The following SHISA9 variants were observed in gnomAD, a reference collection of about 807,000 sequenced individuals.
SHISA9 encodes the protein protein shisa-9.
In SHISA9, 13 loss-of-function variants were observed where a neutral mutation model predicts 38.0. That is an observed-to-expected ratio of 0.34 (90% CI 0.22 to 0.54). SHISA9 has a LOEUF of 0.54. Among genes scored for constraint, SHISA9 ranks in the 20% least tolerant of loss-of-function variants. The probability of loss-of-function intolerance (pLI) is 0.91; values close to 1 mark genes in which losing one functional copy is unlikely to be tolerated. For synonymous variants in SHISA9, 275 were observed against 242.0 expected, an observed-to-expected ratio of 1.14 and a Z score of -1.27; for missense variants, 538 against 575.8, an observed-to-expected ratio of 0.93 and a Z score of 0.67.
intron 2 of SHISA9, among the ~76,000 whole-genome samples, chr16:13,123,239 G>A (rs1324998702): frequency 6.6e-6 from 1 of 152,188 alleles, no homozygotes; most frequent in Non-Finnish European, 1.5e-5. Context: ...TTAGAATATG[G>A]CCAATTTGAT....
chr16:13,471,950 A>G, the SHISA9 span, among the ~76,000 whole-genome samples: 1 of 152,312 alleles, frequency 6.6e-6, no homozygotes, highest in Admixed American at 6.5e-5. Context: ...TCACAAAGAC[A>G]AGGGAGGAAA....
rs2071017552 is a variant in SHISA9 at position 12,901,802 on chromosome 16, CCCCCGCCCGGCCGGGCGCGCTCCT to C, written c.-257_-234del. 1 of 147,754 alleles carries C rather than the reference CCCCCGCCCGGCCGGGCGCGCTCCT, an allele frequency of 6.8e-6. No individual in the cohort carries two copies. The highest frequency in any genetic ancestry group is 1.5e-5 in the Non-Finnish European group (1 of 66,624). 9.2% of individuals were successfully genotyped at this position (147,754 alleles called of 1,614,324 possible). On this transcript the variant is annotated 5_prime_UTR_variant, in exon 1 of 5. Transcript: ENST00000558583. ...CCCGCGCTTGACCCCGCTCATCCTC[CCCCCGCCCGGCCGGGCGCGCTCCT>C]CCCCGGCCGGCCCCTCGGCGCGCGG...
intron 2 of SHISA9, among the ~76,000 whole-genome samples, chr16:13,020,691 C>A (rs2072841561): frequency 6.6e-6 from 1 of 152,164 alleles, no homozygotes; most frequent in African/African-American, 2.4e-5. Flanking sequence ...TTGAGAAGGA[C>A]CTCGTCTCTG....
the SHISA9 span, among the ~76,000 whole-genome samples, chr16:13,522,973 G>A: frequency 2.6e-5 from 4 of 152,180 alleles, no homozygotes; most frequent in Non-Finnish European, 5.9e-5. Context: ...GGGGAGGAAT[G>A]TGGAGACCAG....
At chr16:13,407,140 C>G in the SHISA9 span, among the ~76,000 whole-genome samples, 10 of 139,298 alleles carry the variant, frequency 7.2e-5, no homozygotes, top group Non-Finnish European at 1.2e-4. Flanking sequence ...ACTACCACAA[C>G]AAGCTACCAT....
chr16:12,960,448 T>A (rs534102638), intron 2 of SHISA9, among the ~76,000 whole-genome samples: 1 of 152,106 alleles, frequency 6.6e-6, no homozygotes, highest in Middle Eastern at 3.2e-3. Flanking sequence ...ATCACCCTAT[T>A]CTAAAGATAC....
At chr16:13,129,616 C>T (rs1222141917) in intron 2 of SHISA9, among the ~76,000 whole-genome samples, 1 of 152,188 alleles carries the variant, frequency 6.6e-6, no homozygotes, top group Non-Finnish European at 1.5e-5. Flanking sequence ...TGCATACACC[C>T]TCTGCTACAG....
chr16:13,221,790 C>G (rs2051228376), intron 4 of SHISA9, among the ~76,000 whole-genome samples: 1 of 152,178 alleles, frequency 6.6e-6, no homozygotes, highest in Non-Finnish European at 1.5e-5. Flanking sequence ...TTTTCCATCT[C>G]TTACTGTCTT....
chr16:13,177,086 A>G (rs535140721), intron 2 of SHISA9, among the ~76,000 whole-genome samples: 102 of 152,314 alleles, frequency 6.7e-4, no homozygotes, highest in African/African-American at 2.1e-3. Context: ...ACCATCAGGA[A>G]AGATCTGTGA....
intron 2 of SHISA9, among the ~76,000 whole-genome samples, chr16:13,143,300 A>C (rs969174606): frequency 6.6e-6 from 1 of 152,104 alleles, no homozygotes; most frequent in Non-Finnish European, 1.5e-5. Flanking sequence ...ATGAGGTACC[A>C]TGCCCAGCCT....
At chr16:13,054,976 C>T (rs1035758984) in intron 2 of SHISA9, among the ~76,000 whole-genome samples, 3 of 152,166 alleles carry the variant, frequency 2.0e-5, no homozygotes, top group South Asian at 4.1e-4. Flanking sequence ...CTTAGGGAGA[C>T]CTTCAGTGAC....
intron 2 of SHISA9, among the ~76,000 whole-genome samples, chr16:13,106,620 G>A (rs1669884060): frequency 2.0e-5 from 3 of 152,154 alleles, no homozygotes; most frequent in African/African-American, 7.2e-5. Context: ...AAGGAGAGAA[G>A]ACCTTCAGCA....
intron 2 of SHISA9, among the ~76,000 whole-genome samples, chr16:13,050,730 GAGTTA>G (rs1297468863): frequency 1.3e-5 from 2 of 152,236 alleles, no homozygotes; most frequent in Non-Finnish European, 2.9e-5. Flanking sequence ...GGCCATGGAA[GAGTTA>G]CCTGTCTCTC....
chr16:12,912,167 G>A (rs1413167248), intron 1 of SHISA9, among the ~76,000 whole-genome samples: 1 of 151,926 alleles, frequency 6.6e-6, no homozygotes, highest in African/African-American at 2.4e-5. Context: ...ATACCAAATC[G>A]GTTTATGCAG....
the SHISA9 span, among the ~76,000 whole-genome samples, chr16:13,370,043 T>C: frequency 2.0e-5 from 3 of 152,084 alleles, no homozygotes; most frequent in African/African-American, 7.2e-5. Flanking sequence ...CCAAAAACCA[T>C]TTGTACCTGT....
chr16:12,905,678 G>A (rs565243734), intron 1 of SHISA9, among the ~76,000 whole-genome samples: 86 of 150,670 alleles, frequency 5.7e-4, no homozygotes, highest in African/African-American at 1.9e-3. Context: ...TGCAACCTCC[G>A]CCTCCCAGGT....
chr16:13,255,523 A>G, the SHISA9 span, among the ~76,000 whole-genome samples: 104 of 152,334 alleles, frequency 6.8e-4, no homozygotes, highest in African/African-American at 2.5e-3. Context: ...TGTTGTCTAA[A>G]AAAAGTACCA....
intron 2 of SHISA9, among the ~76,000 whole-genome samples, chr16:13,150,321 A>C (rs1218382117): frequency 6.6e-6 from 1 of 152,088 alleles, no homozygotes; most frequent in Non-Finnish European, 1.5e-5. Flanking sequence ...CTCAAATGCC[A>C]CTTGTCATGG....
At chr16:13,248,676 G>A in the SHISA9 span, among the ~76,000 whole-genome samples, 525 of 152,238 alleles carry the variant, frequency 3.4e-3, 2 homozygotes, top group African/African-American at 0.012. Context: ...TTTATTAATC[G>A]GAAGCATTTA....
Sources: gnomAD v4.1 joint callset for allele counts (sites outside exome capture counted in the v4.1 genomes callset) on GRCh38, gnomAD v4.1.1 for gene constraint, MANE v1.5 for transcripts, NCBI Gene and HGNC (gene_info 2026-07-23, HGNC 2026-07-21) for gene names.